Variants in LARS1 observed in about 807,000 individuals in gnomAD.
LARS1 encodes the protein leucine--tRNA ligase, cytoplasmic.
LARS1 carries 100 observed loss-of-function variants against 162.8 expected under a neutral mutation model. That is an observed-to-expected ratio of 0.61 (90% CI 0.52 to 0.73). The LOEUF is 0.73. Ranked by LOEUF, LARS1 falls within the 30% of genes least tolerant of loss-of-function variation. The pLI is 0.00. For missense variants in LARS1, 1,258 were observed against 1,408.9 expected (o/e 0.89, Z 1.71); for synonymous variants, 457 against 462.8 (o/e 0.99, Z 0.16).
At chr5:146,171,136 C>A (rs956538051) in intron 4 of LARS1, among the ~76,000 whole-genome samples, 1 of 151,842 alleles carries the variant, frequency 6.6e-6, no homozygotes, top group South Asian at 2.1e-4. Flanking sequence ...GTGGGTGGAT[C>A]AACTGAGGTC....
chr5:146,143,720 C>T (rs941149118), intron 18 of LARS1, among the ~76,000 whole-genome samples, 170 bp from the exon 19 acceptor site: 1 of 152,216 alleles, frequency 6.6e-6, no homozygotes, highest in South Asian at 2.1e-4. Flanking sequence ...CAAAATGGGC[C>T]AGGCATGGTG....
chr5:146,162,795 T>C (rs1438755967), intron 6 of LARS1, among the ~76,000 whole-genome samples: 1 of 152,244 alleles, frequency 6.6e-6, no homozygotes, highest in Non-Finnish European at 1.5e-5. Context: ...CTAAATAACT[T>C]GCTGCAGCTT....
chr5:146,127,775 G>A (rs1752105944), intron 27 of LARS1, among the ~76,000 whole-genome samples: 1 of 151,992 alleles, frequency 6.6e-6, no homozygotes, highest in African/African-American at 2.4e-5. Flanking sequence ...CACAAAAATA[G>A]ACTCACAAGA....
chr5:146,146,923 A>G (rs745473475), intron 15 of LARS1, among the ~76,000 whole-genome samples: 3 of 151,926 alleles, frequency 2.0e-5, no homozygotes, highest in Non-Finnish European at 4.4e-5. Flanking sequence ...TATGTTGGCC[A>G]GGCTGGTCTC....
At chr5:146,151,196 C>G (rs1753274515) in intron 14 of LARS1, among the ~76,000 whole-genome samples, 1 of 152,102 alleles carries the variant, frequency 6.6e-6, no homozygotes, top group African/African-American at 2.4e-5. Context: ...CTTTTATCAT[C>G]ATTCAAAATA....
chr5:146,124,061 C>A lies in LARS1; in HGVS notation c.3017G>T (p.Arg1006Leu). The A allele has an allele frequency of 6.2e-7, 1 of 1,609,246 alleles. No individual in the cohort carries two copies. The highest frequency in any genetic ancestry group is 8.5e-7 in the Non-Finnish European group (1 of 1,177,248). ...IKENLEKMGP[R>L]ILDLQLEFDE... ...AAATTCTAATTGCAAATCCAGAATA[C>A]GAGGCCCCATCTTCTCCAGATTTTC... The change falls in exon 29 of 32, where the codon CGT becomes CTT. Residue 1006 changes from arginine to leucine, a missense_variant. Coordinates refer to ENST00000394434, the MANE Select transcript of LARS1 (RefSeq NM_020117.11).
At position 146,124,052 on chromosome 5, in the gene LARS1, T is replaced by C; in HGVS notation, c.3026A>G (p.Asp1009Gly). ...NLEKMGPRIL[D>G]LQLEFDEKAV... ...CTTTTCATCAAATTCTAATTGCAAA[T>C]CCAGAATACGAGGCCCCATCTTCTC... The change falls in exon 29 of 32, where the codon GAT becomes GGT. Residue 1009 changes from aspartate (D) to glycine (G), a missense_variant. Transcript: ENST00000394434. The C allele has an allele frequency of 6.2e-7, 1 of 1,610,312 alleles. No individual in the cohort carries two copies.
intron 1 of LARS1, chr5:146,182,120 T>G (rs1231667118): frequency 9.6e-6 from 2 of 208,006 alleles, no homozygotes; most frequent in African/African-American, 2.3e-5. Context: ...TATGTATTTT[T>G]GGTAGAAACG....
chr5:146,156,628 G>A (rs974571194), intron 10 of LARS1, among the ~76,000 whole-genome samples: 3 of 151,972 alleles, frequency 2.0e-5, no homozygotes, highest in African/African-American at 7.3e-5. Context: ...TCAGGAGGCA[G>A]AGGTGCAGTG....
intron 31 of LARS1, among the ~76,000 whole-genome samples, chr5:146,115,851 T>C (rs1231874535): frequency 1.3e-5 from 2 of 152,164 alleles, no homozygotes; most frequent in African/African-American, 4.8e-5. Context: ...CTGAATTACT[T>C]CCCATTTCTT....
intron 4 of LARS1, among the ~76,000 whole-genome samples, chr5:146,168,730 G>A (rs947628337): frequency 1.3e-5 from 2 of 151,782 alleles, no homozygotes; most frequent in African/African-American, 4.8e-5. Context: ...TATAAATCAT[G>A]TACCTCAAAA....
chr5:146,164,230 T>C (rs1482443759), intron 6 of LARS1, 80 bp downstream of exon 6: 6 of 1,351,930 alleles, frequency 4.4e-6, no homozygotes, highest in Admixed American at 2.1e-5. Flanking sequence ...AATCCATGTC[T>C]GGAAAGCACA....
intron 5 of LARS1, 27 bp from the exon 6 acceptor site, chr5:146,164,498 C>T (rs375947593): frequency 1.5e-4 from 247 of 1,607,698 alleles, no homozygotes; most frequent in Non-Finnish European, 2.0e-4. Context: ...AAAATAAACT[C>T]GATCAAAGAA....
chr5:146,164,204 C>T (rs1245945721), intron 6 of LARS1, 106 bp downstream of exon 6: 1 of 1,165,586 alleles, frequency 8.6e-7, no homozygotes, highest in African/African-American at 1.5e-5. Context: ...TGCCACAAAT[C>T]TTCAATTGTA....
chr5:146,135,734 T>G, intron 21 of LARS1, 70 bp from the exon 22 acceptor site: 1 of 1,095,486 alleles, frequency 9.1e-7, no homozygotes, highest in Non-Finnish European at 1.3e-6. Context: ...CCAAATAAAA[T>G]TAACTAGGTT....
At chr5:146,151,194 A>ATTCAAAATATTTTAT (rs1753274364) in intron 14 of LARS1, among the ~76,000 whole-genome samples, 3 of 152,214 alleles carry the variant, frequency 2.0e-5, no homozygotes, top group Non-Finnish European at 4.4e-5. Context: ...TGCTTTTATC[A>ATTCAAAATATTTTAT]TCATTCAAAA....
intron 21 of LARS1, among the ~76,000 whole-genome samples, chr5:146,135,879 A>G (rs140848962): frequency 7.5e-4 from 115 of 152,358 alleles, no homozygotes; most frequent in African/African-American, 2.6e-3. Context: ...TCAGTGACAC[A>G]GCTAGGAGAG....
At chr5:146,172,829 T>TATTGTAAAAGGAAC in intron 2 of LARS1, 55 bp from the exon 3 acceptor site, 2 of 941,604 alleles carry the variant, frequency 2.1e-6, no homozygotes, top group Non-Finnish European at 3.1e-6. Flanking sequence ...TTAAGTTCCT[T>TATTGTAAAAGGAAC]TTACAATAAG....
chr5:146,173,479 T>C (rs894989595), intron 2 of LARS1, among the ~76,000 whole-genome samples: 5 of 151,726 alleles, frequency 3.3e-5, no homozygotes, highest in African/African-American at 1.2e-4. Flanking sequence ...TCAGGTAATA[T>C]AAAACATCCT....
Sources: allele counts gnomAD v4.1 joint callset (sites outside exome capture counted in the v4.1 genomes callset), GRCh38; gene constraint gnomAD v4.1.1; transcripts MANE v1.5; gene names NCBI Gene and HGNC (gene_info 2026-07-23, HGNC 2026-07-21).